Variants in ANKS6 observed in about 807,000 individuals in gnomAD.
The protein encoded by ANKS6 is ankyrin repeat and SAM domain-containing protein 6.
A neutral mutation model predicts 77.9 loss-of-function variants in ANKS6; 47 were observed. The ratio of observed to expected loss-of-function variants is 0.60; its 90% CI spans 0.48 to 0.77. ANKS6 has a LOEUF of 0.77. Ranked by LOEUF, ANKS6 falls within the 30% of genes least tolerant of loss-of-function variation. The pLI is 0.00. For synonymous variants in ANKS6, 488 were observed against 501.7 expected, an observed-to-expected ratio of 0.97 and a Z score of 0.37; for missense variants, 1,150 against 1,159.1, an observed-to-expected ratio of 0.99 and a Z score of 0.11.
chr9:98,757,927 CAAAA>C (rs1832802196), intron 11 of ANKS6, among the ~76,000 whole-genome samples: 1 of 142,520 alleles, frequency 7.0e-6, no homozygotes, highest in African/African-American at 2.5e-5. Context: ...GACTCTGTCT[CAAAA>C]TAAATAAATA....
chr9:98,750,209 C>G (rs1481427695), intron 13 of ANKS6, among the ~76,000 whole-genome samples: 2 of 152,236 alleles, frequency 1.3e-5, no homozygotes, highest in East Asian at 1.9e-4. Context: ...CTCTGGCAAC[C>G]ACGAATCTAC....
Position 98,734,049 on chromosome 9 carries a change from T to C in ANKS6, c.*2470A>G, listed in dbSNP as rs73491796. ...CTGACCCCTCCTCCCTGACGATCTA[T>C]AACCTACATGTTCCGTGCTGCCTCC... is the stretch of plus-strand genomic sequence containing the variant. On this transcript the variant is annotated 3_prime_UTR_variant, in exon 15 of 15. Transcript: ENST00000353234. The C allele has an allele frequency of 3.9e-3, 3,822 of 985,330 alleles. 136 individuals are homozygous for C. The African/African-American group carries it at 0.062, about 16-fold the overall frequency. The allele number at this position is 985,330 out of a possible 1,614,324, so 61.0% of individuals were successfully genotyped here.
intron 5 of ANKS6, among the ~76,000 whole-genome samples, 197 bp from the exon 6 acceptor site, chr9:98,780,534 A>G (rs1409460375): frequency 6.6e-6 from 1 of 152,214 alleles, no homozygotes; most frequent in Non-Finnish European, 1.5e-5. Flanking sequence ...TAACCTACTT[A>G]ACCAGAAAGA....
In ANKS6 at chr9:98,733,878, G is replaced by GGA; in HGVS notation, c.*2639_*2640dup. The GGA allele has an allele frequency of 4.1e-6, 4 of 985,386 alleles. No individual in the cohort carries two copies. Among genetic ancestry groups the GGA allele is most frequent in the Non-Finnish European group, 4.8e-6 (4 of 829,938 alleles). The allele number at this position is 985,386 out of a possible 1,614,324, so 61.0% of individuals were successfully genotyped here. On this transcript the variant is annotated 3_prime_UTR_variant, in exon 15 of 15. Transcript: ENST00000353234. ...TTATCCTGTGGAACTAGGGTTCCCA[G>GGA]GAGCATACTTTTGGGAAATGCTGGT...
At chr9:98,747,329 T>C (rs530204140) in intron 13 of ANKS6, among the ~76,000 whole-genome samples, 1 of 152,220 alleles carries the variant, frequency 6.6e-6, no homozygotes, top group East Asian at 1.9e-4. Flanking sequence ...TCTGAAATTT[T>C]CCCCGCCCCC....
chr9:98,740,830 C>T (rs1229254061), intron 14 of ANKS6, among the ~76,000 whole-genome samples: 2 of 152,188 alleles, frequency 1.3e-5, no homozygotes, highest in African/African-American at 4.8e-5. Context: ...AAAGGTTCAA[C>T]TATCTAGCAT....
At chr9:98,751,006 A>G in intron 13 of ANKS6, 23 bp downstream of exon 13, 6 of 1,578,634 alleles carry the variant, frequency 3.8e-6, no homozygotes, top group Non-Finnish European at 5.2e-6. Context: ...ATTTAAATTG[A>G]CATTCAAAAA....
rs547127359 is a variant in ANKS6 at position 98,792,026 on chromosome 9, T to A, written c.360-1420A>T. ...CTCCAGTCTCGTTCCCTCCTGCCCA[T>A]CCTCCATGCGACTCCCAAATGATAT... is the stretch of plus-strand genomic sequence containing the variant. On this transcript the variant is annotated intron_variant, in intron 1 of 14. Transcript: ENST00000353234. 3.3e-5 allele frequency among the ~76,000 whole-genome samples: 5 copies of A among 152,222 alleles called. No individual in the cohort carries two copies. The South Asian group carries it at 1.0e-3, about 32-fold the overall frequency.
rs1011234742 is a variant in ANKS6, at chr9:98,790,212, C to T, written c.754G>A (p.Asp252Asn). 1.1e-5 allele frequency: 17 copies of T among 1,607,352 alleles called. No homozygotes were observed. The highest frequency in any genetic ancestry group is 1.4e-5 in the Non-Finnish European group (16 of 1,174,780). The change falls in exon 2 of 15, where the codon GAC (aspartate) becomes AAC (asparagine). Residue 252 changes from aspartate to asparagine, a missense_variant. By Grantham distance (23) the Asp-to-Asn change is conservative (BLOSUM62 1). Transcript: ENST00000353234. ...GTCTTCTCCAGCACGCTGAGGTGGT[C>T]AGGGTTGGCGCCCTTCTCCACCAGC... ...QQLVEKGANP[D>N]HLSVLEKTAF...
Position 98,776,925 on chromosome 9 carries a change from C to T in ANKS6, c.1617+480G>A. On this transcript the variant is annotated intron_variant, in intron 8 of 14. Transcript: ENST00000353234. ...ATATACTAGTTCTGGACTTTGTTTA[C>T]TTGAATGAAGTAGGCTGCTGTCTTA... Among the ~76,000 whole-genome samples the T allele has an allele frequency of 1.3e-5, 2 of 152,236 alleles. 1 individual carries two copies. The highest frequency in any genetic ancestry group is 2.9e-5 in the Non-Finnish European group (2 of 68,040).
Position 98,796,301 on chromosome 9 carries a change from GCC to G in ANKS6, c.189_190del (p.Ala64SerfsTer72). 7.9e-7 allele frequency: 1 copy of G among 1,260,964 alleles called. No homozygotes were observed. The highest frequency in any genetic ancestry group is 1.0e-6 in the Non-Finnish European group (1 of 1,002,436). The allele number at this position is 1,260,964 out of a possible 1,614,324, so 78.1% of individuals were successfully genotyped here. ...ATCCACGGGCACCGGAGCCCCGACT[GCC>G]CCCGCCGCTGCGGCCCCGGGCCCGG... is the stretch of plus-strand genomic sequence containing the variant. On this transcript the variant is annotated frameshift_variant, in exon 1 of 15. Coordinates refer to ENST00000353234, the MANE Select transcript of ANKS6 (RefSeq NM_173551.5). LOFTEE classifies it high-confidence loss of function.
At position 98,793,544 on chromosome 9, in the gene ANKS6, T is replaced by G. The variant is rs183653376; in HGVS notation, c.359+2589A>C. On this transcript the variant is annotated intron_variant, in intron 1 of 14. Transcript: ENST00000353234. ...TTTGTTTTGTTCTGGTTTTTTGAGA[T>G]GGAGTCTCGCTCTGTCGCCAGGCTG... is the stretch of plus-strand genomic sequence containing the variant. Among the ~76,000 whole-genome samples, 70 of 152,210 alleles carry G rather than the reference T, an allele frequency of 4.6e-4. 2 individuals are homozygous for G. The Middle Eastern group carries it at 0.01, about 22-fold the overall frequency.
intron 7 of ANKS6, among the ~76,000 whole-genome samples, chr9:98,777,713 G>A (rs753134199): frequency 6.6e-6 from 1 of 152,198 alleles, no homozygotes; most frequent in Admixed American, 6.5e-5. Context: ...CTCAGACAGT[G>A]GTGCCAAAGT....
intron 14 of ANKS6, 120 bp from the exon 15 acceptor site, chr9:98,736,743 G>T: frequency 8.0e-7 from 1 of 1,256,028 alleles, no homozygotes; most frequent in Non-Finnish European, 1.1e-6. Flanking sequence ...GCGTCTTGGG[G>T]AAAATAAATT....
rs565986247 is a variant in ANKS6, at chr9:98,739,384, T to C, written c.2512-2761A>G. Among the ~76,000 whole-genome samples, 125 of 152,228 alleles carry C rather than the reference T, an allele frequency of 8.2e-4. 1 individual carries two copies. Among genetic ancestry groups the C allele is most frequent in the African/African-American group, 2.9e-3 (120 of 41,540 alleles). On this transcript the variant is annotated intron_variant, in intron 14 of 14. Transcript: ENST00000353234. ...CTACTTGGAGACTGAGGTGGGAGGA[T>C]CGCTTGAGCCCAGGAGGTCAACTCC...
chr9:98,783,976 G>T lies in ANKS6; in HGVS notation c.1089C>A (p.Ala363=). Residue 363 remains alanine (A), a synonymous_variant, in exon 4 of 15, where the codon GCC becomes GCA. Coordinates refer to ENST00000353234, the MANE Select transcript of ANKS6 (RefSeq NM_173551.5). ...ACCCATGGTAGGTTGCCTGCATGAG[G>T]GCCGTCCAGCCATGCACGCTGTCCT... ...DKQDSVHGWT[A]LMQATYHGNK... The T allele has an allele frequency of 6.2e-7, 1 of 1,600,960 alleles. No individual in the cohort carries two copies.
chr9:98,785,929 A>C (rs917428302), intron 2 of ANKS6, among the ~76,000 whole-genome samples: 1 of 152,210 alleles, frequency 6.6e-6, no homozygotes, highest in Non-Finnish European at 1.5e-5. Context: ...TGATAATGTT[A>C]AGGCGCCATT....
intron 11 of ANKS6, among the ~76,000 whole-genome samples, chr9:98,765,712 G>T (rs1230741872): frequency 1.3e-5 from 2 of 152,194 alleles, no homozygotes; most frequent in Non-Finnish European, 2.9e-5. Context: ...GATCTGGGAA[G>T]TATTGGTGCA....
In ANKS6 at chr9:98,732,454, A is replaced by C. The variant is rs1232198811; in HGVS notation, c.*4065T>G. 1.3e-6 allele frequency: 2 copies of C among 1,540,432 alleles called. No individual in the cohort carries two copies. The highest frequency in any genetic ancestry group is 2.7e-5 in the African/African-American group (2 of 72,752). On this transcript the variant is annotated 3_prime_UTR_variant, in exon 15 of 15. Coordinates refer to ENST00000353234, the MANE Select transcript of ANKS6 (RefSeq NM_173551.5). ...CATTTGGAGGGCAGGTCCATCGGCC[A>C]CTCCTCACTTCTGTGGGCTCCGATG...
Sources: allele counts gnomAD v4.1 joint callset (sites outside exome capture counted in the v4.1 genomes callset), GRCh38; gene constraint gnomAD v4.1.1; transcripts MANE v1.5; gene names NCBI Gene and HGNC (gene_info 2026-07-23, HGNC 2026-07-21).